Variants in TMEM132D observed in about 807,000 individuals in gnomAD.
TMEM132D encodes the protein transmembrane protein 132D.
In TMEM132D, 21 loss-of-function variants were observed where a neutral mutation model predicts 62.3. That is an observed-to-expected ratio of 0.34 (90% confidence interval 0.24 to 0.49). The LOEUF is 0.49. Among genes scored for constraint, TMEM132D ranks in the 20% least tolerant of loss-of-function variants. The pLI, the probability that TMEM132D is intolerant of heterozygous loss-of-function variation, is 0.99. For synonymous variants in TMEM132D, 621 were observed against 575.6 expected (o/e 1.08, Z -1.13); for missense variants, 1,346 against 1,402.8 (o/e 0.96, Z 0.65).
At chr12:129,681,102 A>C (rs1880766662) in intron 2 of TMEM132D, among the ~76,000 whole-genome samples, 1 of 152,214 alleles carries the variant, frequency 6.6e-6, no homozygotes. Flanking sequence ...AGTGAAAAGC[A>C]CAGCACAGCA....
chr12:129,897,530 G>C (rs1227990811), intron 1 of TMEM132D, among the ~76,000 whole-genome samples: 1 of 152,042 alleles, frequency 6.6e-6, no homozygotes, highest in Non-Finnish European at 1.5e-5. Context: ...AGTTCTTTAA[G>C]AAGCTTGACC....
intron 4 of TMEM132D, among the ~76,000 whole-genome samples, chr12:129,334,123 A>G (rs1869201537): frequency 6.6e-6 from 1 of 152,194 alleles, no homozygotes; most frequent in African/African-American, 2.4e-5. Flanking sequence ...TCTGTCTCAC[A>G]AAAACAGAAA....
chr12:129,731,755 C>T lies in TMEM132D; in HGVS notation c.80-31057G>A, dbSNP rs545261763. Among the ~76,000 whole-genome samples the T allele has an allele frequency of 8.5e-4, 129 of 152,228 alleles. 1 individual carries two copies. The highest frequency in any genetic ancestry group is 1.5e-3 in the Non-Finnish European group (101 of 68,014). On this transcript the variant is annotated intron_variant, in intron 1 of 8. Transcript: ENST00000422113. ...TTGGCTCACTGCAAGCTCCGCCTCC[C>T]GGGTTCACACTATTCTCCTGCCTCA...
chr12:129,497,932 A>G (rs943441166), intron 3 of TMEM132D, among the ~76,000 whole-genome samples: 2 of 151,992 alleles, frequency 1.3e-5, no homozygotes, highest in Non-Finnish European at 2.9e-5. Context: ...AAGGGCTAAG[A>G]TTAGAGGCAT....
intron 3 of TMEM132D, among the ~76,000 whole-genome samples, chr12:129,515,241 G>A (rs1395541939): frequency 6.6e-6 from 1 of 152,176 alleles, no homozygotes; most frequent in African/African-American, 2.4e-5. Flanking sequence ...GCTGTGTCTT[G>A]TTGCTGTCGG....
chr12:129,499,572 G>A (rs149769658), intron 3 of TMEM132D, among the ~76,000 whole-genome samples: 1 of 152,202 alleles, frequency 6.6e-6, no homozygotes, highest in African/African-American at 2.4e-5. Flanking sequence ...TGAGTGCACA[G>A]ATGGAGTGGA....
At chr12:129,763,266 T>C (rs1014502341) in intron 1 of TMEM132D, among the ~76,000 whole-genome samples, 3 of 152,088 alleles carry the variant, frequency 2.0e-5, no homozygotes, top group African/African-American at 7.2e-5. Context: ...CTTGTAGAGA[T>C]GGGGTTTCCT....
chr12:129,135,378 T>C (rs1235419155), intron 5 of TMEM132D, among the ~76,000 whole-genome samples: 1 of 152,200 alleles, frequency 6.6e-6, no homozygotes, highest in Non-Finnish European at 1.5e-5. Context: ...TAGAGCTAGT[T>C]ACATTGTTAC....
chr12:129,122,316 G>C (rs1473412327), intron 5 of TMEM132D, among the ~76,000 whole-genome samples: 1 of 152,216 alleles, frequency 6.6e-6, no homozygotes, highest in Non-Finnish European at 1.5e-5. Flanking sequence ...GGGTGACATA[G>C]AAGGAAAGTA....
chr12:129,087,905 ACCGGGGTGTCCTCCCTGACCGGG>A (rs1874681570), intron 5 of TMEM132D, among the ~76,000 whole-genome samples: 1 of 126,514 alleles, frequency 7.9e-6, no homozygotes, highest in Non-Finnish European at 1.6e-5. Context: ...GTCCTCCCTG[ACCGGGGTGTCCTCCCTGACCGGG>A]TGTCCTCCAT....
chr12:129,201,589 C>T (rs1296941001), intron 5 of TMEM132D, among the ~76,000 whole-genome samples: 1 of 152,136 alleles, frequency 6.6e-6, no homozygotes, highest in Non-Finnish European at 1.5e-5. Flanking sequence ...CTAAATAGGT[C>T]CCATAAGAAC....
intron 3 of TMEM132D, among the ~76,000 whole-genome samples, chr12:129,366,512 G>A (rs577863924): frequency 2.0e-5 from 3 of 152,248 alleles, no homozygotes; most frequent in Non-Finnish European, 4.4e-5. Flanking sequence ...AGACTCCAGC[G>A]TTGTGCTTCC....
chr12:129,877,628 C>CACACAGAGAGAGAG (rs869172595), intron 1 of TMEM132D, among the ~76,000 whole-genome samples: 7 of 146,854 alleles, frequency 4.8e-5, no homozygotes, highest in African/African-American at 1.6e-4. Flanking sequence ...CACACACACA[C>CACACAGAGAGAGAG]AGAGAGAGAG....
Position 129,102,418 on chromosome 12 carries a change from C to T in TMEM132D, c.1444-17716G>A, listed in dbSNP as rs149305309. On this transcript the variant is annotated intron_variant, in intron 5 of 8. Coordinates refer to ENST00000422113, the MANE Select transcript of TMEM132D (RefSeq NM_133448.3). Reference sequence around the variant, plus strand: ...CACACACAATGCACACATGCACGCACACTCGCACACTGGCATATGCACATA... The same window carrying T: ...CACACACAATGCACACATGCACGCATACTCGCACACTGGCATATGCACATA... Among the ~76,000 whole-genome samples, 578 of 151,778 alleles carry T rather than the reference C, an allele frequency of 3.8e-3. 3 individuals are homozygous for T. Among genetic ancestry groups the T allele is most frequent in the African/African-American group, 0.013 (557 of 41,422 alleles).
At chr12:129,411,885 C>T (rs1439508329) in intron 3 of TMEM132D, among the ~76,000 whole-genome samples, 6 of 152,210 alleles carry the variant, frequency 3.9e-5, no homozygotes, top group African/African-American at 1.4e-4. Flanking sequence ...TCATTGCTTT[C>T]TTCCTTTCTT....
At chr12:129,243,645 C>T (rs1347057763) in intron 4 of TMEM132D, among the ~76,000 whole-genome samples, 2 of 152,166 alleles carry the variant, frequency 1.3e-5, no homozygotes, top group Non-Finnish European at 2.9e-5. Flanking sequence ...GCTTCATCTC[C>T]ACAATGATTT....
chr12:129,229,644 G>T (rs1469268174), intron 4 of TMEM132D, among the ~76,000 whole-genome samples: 1 of 152,196 alleles, frequency 6.6e-6, no homozygotes, highest in Non-Finnish European at 1.5e-5. Flanking sequence ...AATTCAATTG[G>T]TATGGAAAGG....
chr12:129,120,859 C>G (rs1248424119), intron 5 of TMEM132D, among the ~76,000 whole-genome samples: 3 of 151,732 alleles, frequency 2.0e-5, no homozygotes, highest in Non-Finnish European at 4.4e-5. Context: ...ATTTGTTTTA[C>G]AACTTTCTAT....
chr12:129,475,540 C>T (rs1874230101), intron 3 of TMEM132D, among the ~76,000 whole-genome samples: 1 of 152,220 alleles, frequency 6.6e-6, no homozygotes, highest in South Asian at 2.1e-4. Context: ...GGCAATATTT[C>T]TTAAAGCAGT....
Sources: gnomAD v4.1 joint callset for allele counts (sites outside exome capture counted in the v4.1 genomes callset) on GRCh38, gnomAD v4.1.1 for gene constraint, MANE v1.5 for transcripts, NCBI Gene and HGNC (gene_info 2026-07-23, HGNC 2026-07-21) for gene names.